Variants in NCOA1 observed in about 807,000 individuals in gnomAD.
NCOA1 encodes Hin-2 protein.
NCOA1 carries 35 observed loss-of-function variants against 150.9 expected under a neutral mutation model. That is an observed-to-expected ratio of 0.23 (90% confidence interval 0.18 to 0.31). NCOA1 has a LOEUF of 0.31. Ranked by LOEUF, NCOA1 falls within the 10% of genes least tolerant of loss-of-function variation. The pLI, the probability that NCOA1 is intolerant of heterozygous loss-of-function variation, is 1.00. For synonymous variants in NCOA1, 590 were observed against 630.0 expected (o/e 0.94, Z 0.95); for missense variants, 1,491 against 1,749.3 (o/e 0.85, Z 2.63).
intron 17 of NCOA1, among the ~76,000 whole-genome samples, chr2:24,737,587 C>G (rs573704518): frequency 2.0e-5 from 3 of 152,182 alleles, no homozygotes; most frequent in South Asian, 2.1e-4. Context: ...TTGCTGTTCC[C>G]TCTGCCTCAA....
At chr2:24,506,806 C>G (rs1055444100) in intron 1 of NCOA1, among the ~76,000 whole-genome samples, 1 of 152,114 alleles carries the variant, frequency 6.6e-6, no homozygotes, top group Non-Finnish European at 1.5e-5. Context: ...AAAACACTTT[C>G]AATCCATTGC....
intron 8 of NCOA1, among the ~76,000 whole-genome samples, chr2:24,688,503 G>T (rs770101866): frequency 1.3e-5 from 2 of 152,126 alleles, no homozygotes; most frequent in African/African-American, 4.8e-5. Flanking sequence ...CTAATAATCA[G>T]TGATATTGAG....
intron 4 of NCOA1, among the ~76,000 whole-genome samples, chr2:24,650,151 G>A (rs1670649557): frequency 1.3e-5 from 2 of 152,092 alleles, no homozygotes; most frequent in South Asian, 4.1e-4. Flanking sequence ...GAAGCTTAGG[G>A]GAGCAGGGTC....
chr2:24,700,662 A>G (rs1448550273), intron 11 of NCOA1, among the ~76,000 whole-genome samples: 1 of 152,234 alleles, frequency 6.6e-6, no homozygotes, highest in Non-Finnish European at 1.5e-5. Context: ...GAGAAGATCC[A>G]TGCAAGTGTG....
chr2:24,576,164 T>G (rs1430382176), intron 2 of NCOA1, among the ~76,000 whole-genome samples: 18 of 85,086 alleles, frequency 2.1e-4, no homozygotes, highest in Non-Finnish European at 3.7e-4. Flanking sequence ...TTTTTTTTTG[T>G]TTTTTGTTTT....
At chr2:24,745,888 GTCTATAC>G (rs1424879621) in intron 19 of NCOA1, among the ~76,000 whole-genome samples, 1 of 152,106 alleles carries the variant, frequency 6.6e-6, no homozygotes, top group Non-Finnish European at 1.5e-5. Context: ...TTTGAACATT[GTCTATAC>G]TCTATCTAAA....
At chr2:24,531,171 A>G (rs1664868680) in intron 1 of NCOA1, among the ~76,000 whole-genome samples, 2 of 152,192 alleles carry the variant, frequency 1.3e-5, no homozygotes, top group Admixed American at 6.5e-5. Context: ...ATTATGTAAA[A>G]CAGTATGGAG....
intron 22 of NCOA1, 30 bp downstream of exon 22, chr2:24,762,806 G>A: frequency 6.3e-7 from 1 of 1,577,214 alleles, no homozygotes; most frequent in Non-Finnish European, 8.7e-7. Context: ...GCCCAGAGCT[G>A]TCAAATGTAC....
intron 3 of NCOA1, among the ~76,000 whole-genome samples, chr2:24,629,479 GTTT>G (rs11333104): frequency 9.8e-5 from 13 of 132,408 alleles, no homozygotes; most frequent in East Asian, 2.2e-4. Context: ...TACTGTTTGG[GTTT>G]TTTTTTTTTT....
At chr2:24,673,743 G>T (rs547487027) in intron 7 of NCOA1, among the ~76,000 whole-genome samples, 1 of 152,164 alleles carries the variant, frequency 6.6e-6, no homozygotes, top group South Asian at 2.1e-4. Context: ...TGGTGGTTAG[G>T]CCTAGTTGGG....
At chr2:24,521,898 T>C (rs988498038) in intron 1 of NCOA1, among the ~76,000 whole-genome samples, 1 of 152,122 alleles carries the variant, frequency 6.6e-6, no homozygotes, top group African/African-American at 2.4e-5. Flanking sequence ...ACTTGTTATC[T>C]TTTTTCTTTT....
chr2:24,663,526 G>A (rs1671278920), intron 5 of NCOA1, among the ~76,000 whole-genome samples: 1 of 152,154 alleles, frequency 6.6e-6, no homozygotes, highest in South Asian at 2.1e-4. Context: ...AGGAAAAAAG[G>A]CATGCACCTG....
chr2:24,768,026 G>A, intron 22 of NCOA1, 195 bp from the exon 23 acceptor site: 2 of 1,584,082 alleles, frequency 1.3e-6, no homozygotes, highest in Admixed American at 1.7e-5. Context: ...TTTTTAAAGT[G>A]TGAACTTTCC....
intron 1 of NCOA1, among the ~76,000 whole-genome samples, chr2:24,558,814 C>T (rs1448325466): frequency 2.6e-5 from 4 of 152,042 alleles, no homozygotes; most frequent in South Asian, 2.1e-4. Flanking sequence ...TTGGATCTTG[C>T]GATGAGGTGA....
At chr2:24,750,272 G>A (rs766953918) in intron 19 of NCOA1, among the ~76,000 whole-genome samples, 12 of 152,242 alleles carry the variant, frequency 7.9e-5, no homozygotes, top group Non-Finnish European at 1.6e-4. Context: ...ATATGAAAAT[G>A]CAAAGGACCT....
Position 24,577,322 on chromosome 2 carries a change from A to G in NCOA1, c.-259-7154A>G, listed in dbSNP as rs990923823. Among the ~76,000 whole-genome samples the G allele has an allele frequency of 7.2e-5, 11 of 152,374 alleles. No homozygotes were observed. The East Asian group carries it at 1.7e-3, about 24-fold the overall frequency. On this transcript the variant is annotated intron_variant, in intron 2 of 22. Coordinates refer to ENST00000348332, the MANE Select transcript of NCOA1 (RefSeq NM_003743.5). ...ATTCAAACACTATTAATTGTGACAT[A>G]TGCCACAGATTTAATATATTTTCAT...
At chr2:24,648,940 GAT>G (rs1572540595) in intron 4 of NCOA1, among the ~76,000 whole-genome samples, 2 of 151,990 alleles carry the variant, frequency 1.3e-5, no homozygotes, top group East Asian at 3.9e-4. Flanking sequence ...TTTGATTTTG[GAT>G]AATCATTTGT....
At chr2:24,707,953 C>T in intron 13 of NCOA1, 65 bp downstream of exon 13, 2 of 1,497,142 alleles carry the variant, frequency 1.3e-6, no homozygotes, top group South Asian at 2.8e-5. Context: ...TTATTCTATT[C>T]CATCTGTAGA....
intron 19 of NCOA1, among the ~76,000 whole-genome samples, chr2:24,746,297 C>G (rs2148669629): frequency 6.6e-6 from 1 of 152,308 alleles, no homozygotes; most frequent in South Asian, 2.1e-4. Flanking sequence ...AATGCCAGCA[C>G]TTTGGGAGGC....
Sources: gnomAD v4.1 joint callset for allele counts (sites outside exome capture counted in the v4.1 genomes callset) on GRCh38, gnomAD v4.1.1 for gene constraint, MANE v1.5 for transcripts, NCBI Gene and HGNC (gene_info 2026-07-23, HGNC 2026-07-21) for gene names.